Variants in NDRG2 observed in about 807,000 individuals in gnomAD.
The protein encoded by NDRG2 is protein NDRG2.
Under a neutral mutation model 58.2 loss-of-function variants are expected in NDRG2, and 34 were observed. The observed-to-expected ratio is 0.58, with a 90% CI of 0.44 to 0.78. The LOEUF is 0.78. Ranked by LOEUF, NDRG2 falls within the 30% of genes least tolerant of loss-of-function variation. The pLI is 0.00. For missense variants in NDRG2, 434 were observed against 471.2 expected (o/e 0.92, Z 0.73); for synonymous variants, 187 against 175.9 (o/e 1.06, Z -0.50).
Position 21,019,751 on chromosome 14 carries a change from G to C in NDRG2, c.613-9C>G. Reference sequence around the variant, plus strand: ...TTTCCAGAGAGCTCTTCCTGAAGGAGAGAACAAGGAGAAAAATTAGGGATG... The same window carrying C: ...TTTCCAGAGAGCTCTTCCTGAAGGACAGAACAAGGAGAAAAATTAGGGATG... On this transcript the variant is annotated splice_polypyrimidine_tract_variant and intron_variant, in intron 9 of 15. Transcript: ENST00000556147. 1 of 1,587,374 alleles carries C rather than the reference G, an allele frequency of 6.3e-7. No homozygotes were observed.
intron 12 of NDRG2, 101 bp downstream of exon 12, chr14:21,018,662 C>T (rs1878281855): frequency 1.9e-6 from 3 of 1,588,172 alleles, no homozygotes; most frequent in Admixed American, 1.7e-5. Context: ...AAGTTGATCT[C>T]CCTGTGCCAA....
chr14:21,025,724 G>C (rs1048011329), upstream of NDRG2: 2 of 985,108 alleles, frequency 2.0e-6, no homozygotes, highest in South Asian at 4.7e-5. The surrounding 1 kb of genome is among the most constrained non-coding windows in gnomAD (Gnocchi z 5.1). Flanking sequence ...GGCTGCTCCG[G>C]GAGAAGTTGG....
rs889785765 is a variant in NDRG2, at chr14:21,070,270, G to A, written c.24+558C>T. The A allele has an allele frequency of 3.8e-6, 4 of 1,050,506 alleles. No homozygotes were observed. Among genetic ancestry groups the A allele is most frequent in the Non-Finnish European group, 4.8e-6 (4 of 833,500 alleles). 65.1% of individuals were successfully genotyped at this position (1,050,506 alleles called of 1,614,324 possible). ...CGCGGCCTGGAAGCCGGAGCGGGCC[G>A]AGCCGCCACCGCGGCCGGAGCTGTC... On this transcript the variant is annotated intron_variant, in intron 1 of 14. Coordinates refer to the NDRG2 transcript ENST00000403829. This position sits in a 1 kb window ranked among gnomAD's most constrained non-coding sequence, Gnocchi z 4.7.
intron 1 of NDRG2, among the ~76,000 whole-genome samples, chr14:21,042,753 A>C (rs1401064183): frequency 6.6e-6 from 1 of 152,160 alleles, no homozygotes; most frequent in Non-Finnish European, 1.5e-5. Context: ...CAGGGACAGA[A>C]TGAAGGGAAC....
chr14:21,025,470 C>G (rs1883415525), upstream of NDRG2: 1 of 985,318 alleles, frequency 1.0e-6, no homozygotes, highest in Non-Finnish European at 1.2e-6. The surrounding 1 kb of genome is among the most constrained non-coding windows in gnomAD (Gnocchi z 5.1). Context: ...GGGAGACGAA[C>G]CCGGGATACT....
intron 1 of NDRG2, among the ~76,000 whole-genome samples, chr14:21,035,395 T>C (rs919445396): frequency 5.3e-5 from 8 of 152,222 alleles, no homozygotes; most frequent in Non-Finnish European, 1.2e-4. Flanking sequence ...TGGTTTGCCA[T>C]GCTGGGGAAA....
At position 21,022,447 on chromosome 14, in the gene NDRG2, G is replaced by T. The variant is rs76643306; in HGVS notation, c.168C>A (p.Gly56=). 1,537 of 1,614,068 alleles carry T rather than the reference G, an allele frequency of 9.5e-4. 22 individuals are homozygous for T. The East Asian group carries it at 0.03, about 31-fold the overall frequency. The change falls in exon 4 of 16, where the codon GGC becomes GGA. Residue 56 remains glycine, a synonymous_variant. Coordinates refer to ENST00000556147, the MANE Select transcript of NDRG2 (RefSeq NM_001320329.2). ...PYGSVTFTVY[G]TPKPKRPAIL... is the part of the protein sequence containing the mutation. Reference sequence around the variant, plus strand: ...TCGCTGGGCGTTTGGGTTTGGGGGTGCCATAGACAGTGAAAGTGACAGAGC... The same window carrying T: ...TCGCTGGGCGTTTGGGTTTGGGGGTTCCATAGACAGTGAAAGTGACAGAGC...
At chr14:21,033,639 A>T in intron 1 of NDRG2, 1 of 615,372 alleles carries the variant, frequency 1.6e-6, no homozygotes, top group Non-Finnish European at 2.9e-6. Context: ...AAGAACCTAG[A>T]AGATAGCACC....
intron 1 of NDRG2, among the ~76,000 whole-genome samples, chr14:21,067,715 C>G (rs1014945002): frequency 2.0e-5 from 3 of 151,774 alleles, no homozygotes; most frequent in African/African-American, 7.3e-5. Context: ...TCATATTCCC[C>G]CACTAAAAAC....
chr14:21,041,708 G>A (rs535278567), intron 1 of NDRG2, among the ~76,000 whole-genome samples: 93 of 152,306 alleles, frequency 6.1e-4, no homozygotes, highest in African/African-American at 2.1e-3. Context: ...AATAAAAAAG[G>A]GAGGGAACAA....
intron 1 of NDRG2, among the ~76,000 whole-genome samples, chr14:21,059,671 G>A (rs1566508026): frequency 6.6e-6 from 1 of 151,940 alleles, no homozygotes; most frequent in Non-Finnish European, 1.5e-5. Context: ...GCTAATTTTT[G>A]CATTTTTTTG....
chr14:21,030,994 T>C, intron 1 of NDRG2: 5 of 1,587,950 alleles, frequency 3.1e-6, no homozygotes, highest in Non-Finnish European at 4.3e-6. Context: ...GTTTCTGGAT[T>C]TCTGTCTAAC....
chr14:21,032,187 G>C, intron 1 of NDRG2: 6 of 1,158,788 alleles, frequency 5.2e-6, no homozygotes, highest in African/African-American at 1.5e-5. Context: ...CTCTGTCTGT[G>C]AGGGACAGAT....
At position 21,017,491 on chromosome 14, in the gene NDRG2, G is replaced by T. The variant is rs1877352110; in HGVS notation, c.*105C>A. ...TCAAGGTCATCTCCCCGCATGATCT[G>T]CCCTTTTTCCCTTGCTTACGGTGGC... is the stretch of plus-strand genomic sequence containing the variant. On this transcript the variant is annotated 3_prime_UTR_variant, in exon 16 of 16. Coordinates refer to ENST00000556147, the MANE Select transcript of NDRG2 (RefSeq NM_001320329.2). The T allele has an allele frequency of 2.4e-6, 3 of 1,270,874 alleles. No individual in the cohort carries two copies. The highest frequency in any genetic ancestry group is 3.2e-6 in the Non-Finnish European group (3 of 925,092). 78.7% of individuals were successfully genotyped at this position (1,270,874 alleles called of 1,614,324 possible).
chr14:21,034,996 G>C (rs555316784), intron 1 of NDRG2, among the ~76,000 whole-genome samples: 1 of 152,226 alleles, frequency 6.6e-6, no homozygotes, highest in South Asian at 2.1e-4. Context: ...GTGGCAAGGT[G>C]AGTAGGAAAG....
chr14:21,054,696 C>T (rs138699678), intron 1 of NDRG2, among the ~76,000 whole-genome samples: 24 of 152,196 alleles, frequency 1.6e-4, no homozygotes, highest in Admixed American at 1.4e-3. Flanking sequence ...CCCGGCCCTG[C>T]CACTTACTAA....
intron 1 of NDRG2, chr14:21,033,758 G>T (rs1455298632): frequency 2.7e-6 from 3 of 1,115,680 alleles, no homozygotes; most frequent in Non-Finnish European, 4.1e-6. Context: ...ACAGGGATCA[G>T]AGTGTTGGAA....
rs200219413 is a variant in NDRG2 at position 21,033,828 on chromosome 14, G to A, written c.25-10507C>T. On this transcript the variant is annotated intron_variant, in intron 1 of 14. Coordinates refer to the NDRG2 transcript ENST00000403829. ...GGAGTGGCTCAGGAATTAAATTCCC[G>A]AATAGAGACCAGCGATACCTATTGG... The A allele has an allele frequency of 3.5e-4, 569 of 1,607,572 alleles. No individual in the cohort carries two copies. Among genetic ancestry groups the A allele is most frequent in the Middle Eastern group, 2.2e-3 (13 of 6,044 alleles).
intron 3 of NDRG2, 68 bp from the exon 4 acceptor site, chr14:21,022,565 G>C (rs1043434070): frequency 1.7e-6 from 2 of 1,200,184 alleles, no homozygotes; most frequent in African/African-American, 3.0e-5. Context: ...GCAACACCAA[G>C]GTCAGGGAGC....
Sources: allele counts gnomAD v4.1 joint callset (sites outside exome capture counted in the v4.1 genomes callset), GRCh38; gene constraint gnomAD v4.1.1; non-coding constraint Gnocchi (gnomAD v3.1); transcripts MANE v1.5; gene names NCBI Gene and HGNC (gene_info 2026-07-23, HGNC 2026-07-21).